ARB2A: variants seen among roughly 807,000 people sequenced by gnomAD.
ARB2A encodes ARB2 cotranscriptional regulator A.
chr5:94,047,279 G>A, the ARB2A span, among the ~76,000 whole-genome samples: 1 of 152,096 alleles, frequency 6.6e-6, no homozygotes, highest in Non-Finnish European at 1.5e-5. Flanking sequence ...ATCACCTGAG[G>A]TCAGGAGTTC....
At chr5:94,061,610 T>C in the ARB2A span, among the ~76,000 whole-genome samples, 1 of 152,210 alleles carries the variant, frequency 6.6e-6, no homozygotes, top group Admixed American at 6.5e-5. Context: ...TCACAGTATA[T>C]AATATCAACA....
At chr5:93,843,099 T>G in the ARB2A span, among the ~76,000 whole-genome samples, 19 of 152,130 alleles carry the variant, frequency 1.2e-4, no homozygotes, top group African/African-American at 4.6e-4. Flanking sequence ...TCTAAAGATA[T>G]AGATGGGTGG....
chr5:93,910,409 T>A, the ARB2A span, among the ~76,000 whole-genome samples: 1 of 151,222 alleles, frequency 6.6e-6, no homozygotes, highest in South Asian at 2.1e-4. Context: ...ACAGTATGAT[T>A]CTAAAAATGT....
the ARB2A span, among the ~76,000 whole-genome samples, chr5:93,766,415 G>T: frequency 0.013 from 1,911 of 152,268 alleles, 54 homozygotes; most frequent in African/African-American, 0.043. Context: ...AGACATTTAT[G>T]CAGCCAAAAG....
At chr5:94,028,201 C>A in the ARB2A span, among the ~76,000 whole-genome samples, 1 of 152,144 alleles carries the variant, frequency 6.6e-6, no homozygotes, top group African/African-American at 2.4e-5. Context: ...ACAAACACAA[C>A]CCTGAGAAAT....
At chr5:93,890,958 G>A in the ARB2A span, among the ~76,000 whole-genome samples, 1 of 152,094 alleles carries the variant, frequency 6.6e-6, no homozygotes, top group African/African-American at 2.4e-5. Context: ...CTTACTGGAA[G>A]ATTAATTGCC....
the ARB2A span, among the ~76,000 whole-genome samples, chr5:93,874,082 T>C: frequency 1.3e-5 from 2 of 152,324 alleles, no homozygotes; most frequent in South Asian, 4.2e-4. Flanking sequence ...ATGATGGTGT[T>C]TTGTTTCCTT....
At chr5:93,958,757 A>AC in the ARB2A span, 42 of 1,472,584 alleles carry the variant, frequency 2.9e-5, no homozygotes, top group Non-Finnish European at 3.3e-5. Flanking sequence ...AAAAAAAAAA[A>AC]CCCAGGAAAT....
At chr5:93,683,688 G>C in the ARB2A span, 1 of 1,609,896 alleles carries the variant, frequency 6.2e-7, no homozygotes, top group Non-Finnish European at 8.5e-7. Context: ...GCCTCAGGGG[G>C]CTCATGTCCA....
chr5:94,069,063 T>TAGATAGAC, the ARB2A span, among the ~76,000 whole-genome samples: 1 of 151,126 alleles, frequency 6.6e-6, no homozygotes, highest in African/African-American at 2.4e-5. Flanking sequence ...GATAGATAGA[T>TAGATAGAC]AGATAGATAG....
the ARB2A span, chr5:94,111,561 T>C: frequency 6.6e-6 from 1 of 152,270 alleles, no homozygotes; most frequent in Admixed American, 6.5e-5. Flanking sequence ...GGAGGAGGCG[T>C]GGCCTTCCAG....
chr5:93,862,115 T>C, the ARB2A span: 1 of 152,234 alleles, frequency 6.6e-6, no homozygotes, highest in Non-Finnish European at 1.5e-5. Context: ...ATTTATTACA[T>C]AGTGAAATAT....
the ARB2A span, chr5:94,053,320 C>T: frequency 1.4e-6 from 1 of 707,532 alleles, no homozygotes; most frequent in Admixed American, 3.4e-5. Flanking sequence ...ATTCTTTGTT[C>T]TATTAATTTT....
At chr5:93,983,677 A>C in the ARB2A span, among the ~76,000 whole-genome samples, 1 of 152,202 alleles carries the variant, frequency 6.6e-6, no homozygotes, top group Non-Finnish European at 1.5e-5. Context: ...ATTAATTACA[A>C]AGAGAAAAAT....
the ARB2A span, chr5:93,739,996 G>GAAAAAAAA: frequency 1.6e-5 from 1 of 62,906 alleles, no homozygotes; most frequent in African/African-American, 4.6e-5. Flanking sequence ...AGGTAAATCA[G>GAAAAAAAA]AAAAAAAAAA....
the ARB2A span, among the ~76,000 whole-genome samples, chr5:94,071,007 C>T: frequency 2.0e-5 from 3 of 152,102 alleles, no homozygotes; most frequent in African/African-American, 4.8e-5. Context: ...TTACTGTAGA[C>T]GTACCATATT....
At chr5:93,826,816 A>G in the ARB2A span, among the ~76,000 whole-genome samples, 2 of 134,864 alleles carry the variant, frequency 1.5e-5, no homozygotes, top group Middle Eastern at 4.7e-3. Context: ...TCATTGTTCA[A>G]TTCCCAACTA....
the ARB2A span, chr5:93,739,323 TAGGAAAAAATTAAG>T: frequency 6.6e-6 from 1 of 151,400 alleles, no homozygotes; most frequent in African/African-American, 2.4e-5. Flanking sequence ...CAGAAGAAAC[TAGGAAAAAATTAAG>T]AAGAATGAAG....
the ARB2A span, among the ~76,000 whole-genome samples, chr5:93,797,476 T>C: frequency 1.3e-5 from 2 of 152,154 alleles, no homozygotes; most frequent in Non-Finnish European, 2.9e-5. Flanking sequence ...GTATTTATTA[T>C]GGTAGGAGGC....
Sources: gnomAD v4.1 joint callset for allele counts (sites outside exome capture counted in the v4.1 genomes callset) on GRCh38, gnomAD v4.1.1 for gene constraint, MANE v1.5 for transcripts, NCBI Gene and HGNC (gene_info 2026-07-23, HGNC 2026-07-21) for gene names.